WWTR1: variants seen among roughly 807,000 people sequenced by gnomAD.
WWTR1 encodes the protein WW domain containing transcription regulator 1.
In WWTR1, 13 loss-of-function variants were observed where a neutral mutation model predicts 40.1. The observed-to-expected ratio is 0.32, with a 90% CI of 0.21 to 0.52. The LOEUF is 0.52. Among genes scored for constraint, WWTR1 ranks in the 20% least tolerant of loss-of-function variants. The pLI is 0.97. For synonymous variants in WWTR1, 230 were observed against 210.1 expected, an observed-to-expected ratio of 1.09 and a Z score of -0.82; for missense variants, 436 against 523.1, an observed-to-expected ratio of 0.83 and a Z score of 1.63.
chr3:149,557,447 G>A (rs1669711558), intron 3 of WWTR1, among the ~76,000 whole-genome samples: 1 of 152,070 alleles, frequency 6.6e-6, no homozygotes, highest in Non-Finnish European at 1.5e-5. Flanking sequence ...AAGTACAGGA[G>A]AACTCCCTCT....
intron 3 of WWTR1, among the ~76,000 whole-genome samples, chr3:149,563,382 A>G (rs1441735201): frequency 6.6e-6 from 1 of 152,164 alleles, no homozygotes; most frequent in Non-Finnish European, 1.5e-5. Flanking sequence ...AGCAAAACTG[A>G]AGCAGACTTG....
intron 2 of WWTR1, among the ~76,000 whole-genome samples, chr3:149,574,226 G>T (rs1737777668): frequency 6.6e-6 from 1 of 151,840 alleles, no homozygotes; most frequent in African/African-American, 2.4e-5. Context: ...TTTTGTAGAG[G>T]TGGGTGTCTC....
intron 2 of WWTR1, among the ~76,000 whole-genome samples, chr3:149,581,766 G>T (rs1428556917): frequency 1.3e-5 from 2 of 152,176 alleles, no homozygotes; most frequent in Non-Finnish European, 2.9e-5. Context: ...GTTAGCAGCA[G>T]TAGGCACAGC....
chr3:149,537,663 T>C lies in WWTR1; in HGVS notation c.771+4672A>G, dbSNP rs563444463. Reference sequence around the variant, plus strand: ...TTTTGACAAATGTAGAGCTGTGAAATAGCCACCACAACCAAGACACGGAAC... The same window carrying C: ...TTTTGACAAATGTAGAGCTGTGAAACAGCCACCACAACCAAGACACGGAAC... On this transcript the variant is annotated intron_variant, in intron 4 of 6. Transcript: ENST00000360632. 4.6e-5 allele frequency among the ~76,000 whole-genome samples: 7 copies of C among 152,264 alleles called. No individual in the cohort carries two copies. The South Asian group carries it at 1.5e-3, about 32-fold the overall frequency.
At chr3:149,691,217 G>C (rs907241836) in intron 1 of WWTR1, among the ~76,000 whole-genome samples, 1 of 151,598 alleles carries the variant, frequency 6.6e-6, no homozygotes. Context: ...CAAGAAAGAG[G>C]AAAAACTTCA....
chr3:149,654,087 T>C (rs1268629949), intron 2 of WWTR1, among the ~76,000 whole-genome samples: 2 of 151,010 alleles, frequency 1.3e-5, no homozygotes, highest in South Asian at 4.2e-4. Flanking sequence ...CTAGGCAACA[T>C]AGTGAAACCC....
At chr3:149,713,376 AT>A (rs150701410) in intron 5 of WWTR1, among the ~76,000 whole-genome samples, 3 of 151,412 alleles carry the variant, frequency 2.0e-5, no homozygotes, top group East Asian at 1.9e-4. Context: ...TAATTTATTT[AT>A]TTTTTTTGTT....
intron 3 of WWTR1, among the ~76,000 whole-genome samples, chr3:149,563,387 G>C (rs746606543): frequency 2.0e-5 from 3 of 152,158 alleles, no homozygotes; most frequent in African/African-American, 7.2e-5. Flanking sequence ...AACTGAAGCA[G>C]ACTTGTACAT....
chr3:149,594,950 CTTTTTTT>C (rs563658190), intron 2 of WWTR1, among the ~76,000 whole-genome samples: 6 of 61,766 alleles, frequency 9.7e-5, no homozygotes, highest in East Asian at 3.7e-4. Flanking sequence ...CTCTTTTTTA[CTTTTTTT>C]TTTTTTTTTT....
intron 3 of WWTR1, among the ~76,000 whole-genome samples, chr3:149,564,747 A>G (rs1737232648): frequency 6.6e-6 from 1 of 152,218 alleles, no homozygotes. Flanking sequence ...GAAAAAATGG[A>G]AAGAATCTAA....
upstream of WWTR1, chr3:149,660,095 G>A (rs1713506898): frequency 6.6e-6 from 1 of 152,028 alleles, no homozygotes; most frequent in Admixed American, 6.6e-5. Flanking sequence ...ACTGGCAAAA[G>A]GAAAGGGGAA....
chr3:149,547,825 T>G (rs959842273), intron 3 of WWTR1, among the ~76,000 whole-genome samples: 1 of 148,624 alleles, frequency 6.7e-6, no homozygotes, highest in Non-Finnish European at 1.5e-5. Flanking sequence ...TTTCCCTTTT[T>G]CTTTTTTTTT....
intron 4 of WWTR1, among the ~76,000 whole-genome samples, chr3:149,719,188 A>T (rs1197411318): frequency 3.2e-5 from 4 of 124,166 alleles, no homozygotes; most frequent in Middle Eastern, 7.0e-3. Flanking sequence ...TTCTTTTTTG[A>T]GACCGAGTCT....
intron 2 of WWTR1, among the ~76,000 whole-genome samples, chr3:149,669,191 C>G (rs1031203714): frequency 1.3e-5 from 2 of 152,164 alleles, no homozygotes; most frequent in Non-Finnish European, 2.9e-5. Flanking sequence ...AGAACCCCCA[C>G]ATATACAAGA....
At chr3:149,579,275 A>G (rs1047721338) in intron 2 of WWTR1, among the ~76,000 whole-genome samples, 1 of 152,168 alleles carries the variant, frequency 6.6e-6, no homozygotes, top group Non-Finnish European at 1.5e-5. Flanking sequence ...ACCTGGAAGC[A>G]GCCTCCAAAC....
intron 1 of WWTR1, 188 bp downstream of exon 1, chr3:149,657,577 G>A (rs1194158921): frequency 2.2e-6 from 1 of 462,902 alleles, no homozygotes; most frequent in African/African-American, 2.0e-5. Flanking sequence ...GGGGTGGAGG[G>A]AATAACTGCA....
chr3:149,566,370 C>A (rs188722668), intron 3 of WWTR1, among the ~76,000 whole-genome samples: 14 of 152,270 alleles, frequency 9.2e-5, no homozygotes, highest in Admixed American at 7.9e-4. Flanking sequence ...TTCACTTCCA[C>A]CATCTCCCAA....
At chr3:149,723,127 T>A (rs1174368739) in intron 4 of WWTR1, among the ~76,000 whole-genome samples, 3 of 151,918 alleles carry the variant, frequency 2.0e-5, no homozygotes, top group Non-Finnish European at 4.4e-5. Context: ...AATCTAATAA[T>A]GTGGTAACTC....
chr3:149,522,936 C>T (rs889543322), intron 6 of WWTR1, among the ~76,000 whole-genome samples: 23 of 151,996 alleles, frequency 1.5e-4, no homozygotes, highest in African/African-American at 5.5e-4. Flanking sequence ...CATGGTGGCG[C>T]ACCCCTGTAA....
Sources: gnomAD v4.1 joint callset for allele counts (sites outside exome capture counted in the v4.1 genomes callset) on GRCh38, gnomAD v4.1.1 for gene constraint, MANE v1.5 for transcripts, NCBI Gene and HGNC (gene_info 2026-07-23, HGNC 2026-07-21) for gene names.